LRRK1: variants seen among roughly 807,000 people sequenced by gnomAD.
The protein encoded by LRRK1 is leucine-rich repeat serine/threonine-protein kinase 1.
A neutral mutation model predicts 209.1 loss-of-function variants in LRRK1; 113 were observed. The observed-to-expected ratio is 0.54, with a 90% CI of 0.46 to 0.63. The LOEUF is 0.63. LRRK1 is among the 30% of genes least tolerant of loss of function. LRRK1 has a pLI of 0.00. For missense variants in LRRK1, 2,284 were observed against 2,632.2 expected (o/e 0.87, Z 2.89); for synonymous variants, 1,144 against 1,099.7 (o/e 1.04, Z -0.80).
At chr15:100,964,313 T>C (rs2030308682) in intron 2 of LRRK1, among the ~76,000 whole-genome samples, 1 of 152,278 alleles carries the variant, frequency 6.6e-6, no homozygotes, top group South Asian at 2.1e-4. Context: ...GATTTCACCG[T>C]AATATGACCC....
intron 2 of LRRK1, among the ~76,000 whole-genome samples, chr15:100,960,237 C>G (rs2042848571): frequency 6.8e-6 from 1 of 146,758 alleles, no homozygotes; most frequent in Non-Finnish European, 1.5e-5. Context: ...GTTCTTTGCT[C>G]TACTGAACAG....
intron 7 of LRRK1, among the ~76,000 whole-genome samples, chr15:101,010,078 T>C: frequency 6.6e-6 from 1 of 152,184 alleles, no homozygotes; most frequent in East Asian, 1.9e-4. Flanking sequence ...AAAAAGCAAG[T>C]GCCGTCCAAG....
rs1230948691 is a variant in LRRK1, at chr15:101,049,627, T to C, written c.3300-17T>C. 2 of 1,612,188 alleles carry C rather than the reference T, an allele frequency of 1.2e-6. No individual in the cohort carries two copies. The highest frequency in any genetic ancestry group is 3.3e-5 in the Admixed American group (2 of 59,772). ...GAGCCAGATCGCAATGGGCTCCTTT[T>C]GGTCTCTGGATTGCAGTGTGGAATC... On this transcript the variant is annotated splice_polypyrimidine_tract_variant and intron_variant, in intron 22 of 33. Coordinates refer to ENST00000388948, the MANE Select transcript of LRRK1 (RefSeq NM_024652.6).
At position 100,959,713 on chromosome 15, in the gene LRRK1, C is replaced by A. The variant is rs561023771; in HGVS notation, c.98-14091C>A. 3.3e-4 allele frequency among the ~76,000 whole-genome samples: 50 copies of A among 152,290 alleles called. No individual in the cohort carries two copies. In the South Asian group the frequency reaches 9.7e-3, roughly 30 times the overall value. On this transcript the variant is annotated intron_variant, in intron 2 of 33. Transcript: ENST00000388948. ...TATTTTTTTATTCATATGCATTGTG[C>A]AATATCTTTTATATGTGCCATTTTC...
intron 2 of LRRK1, among the ~76,000 whole-genome samples, chr15:100,955,850 G>T (rs2042743634): frequency 6.6e-6 from 1 of 151,992 alleles, no homozygotes; most frequent in Non-Finnish European, 1.5e-5. Flanking sequence ...ACTTCATAAT[G>T]GTGTATGATT....
chr15:100,989,668 C>A (rs771701243), intron 6 of LRRK1: 1 of 574,504 alleles, frequency 1.7e-6, no homozygotes, highest in Non-Finnish European at 3.1e-6. Flanking sequence ...TCCACAATAA[C>A]AACATCAATC....
chr15:100,940,386 A>T (rs28536480), intron 2 of LRRK1, among the ~76,000 whole-genome samples: 29,326 of 151,940 alleles, frequency 0.19, 3,037 homozygotes, highest in South Asian at 0.29. Context: ...TGTTTCTGAA[A>T]CTCTCATTAG....
intron 2 of LRRK1, among the ~76,000 whole-genome samples, chr15:100,958,867 G>A (rs578161163): frequency 2.6e-5 from 4 of 152,138 alleles, no homozygotes; most frequent in African/African-American, 7.2e-5. Flanking sequence ...TCTCTCCCGG[G>A]CTCTCTGTGC....
At chr15:100,920,063 T>A (rs2041994214) in intron 1 of LRRK1, 2 of 152,468 alleles carry the variant, frequency 1.3e-5, no homozygotes, top group Admixed American at 1.3e-4. Context: ...ACAACTGCTC[T>A]GTCTACCATG....
rs1596290857 is a variant in LRRK1, at chr15:101,025,088, C to T, written c.2232+121C>T. ...GGGGTTATGTTGCCACAGAGGGCCC[C>T]AGAACCGTGGTCCTGCTTGCTTTTC... On this transcript the variant is annotated intron_variant, in intron 16 of 33. Coordinates refer to ENST00000388948, the MANE Select transcript of LRRK1 (RefSeq NM_024652.6). 3 of 984,466 alleles carry T rather than the reference C, an allele frequency of 3.0e-6. No homozygotes were observed. The East Asian group carries it at 7.5e-5, about 25-fold the overall frequency. The allele number at this position is 984,466 out of a possible 1,614,324, so 61.0% of individuals were successfully genotyped here.
intron 12 of LRRK1, among the ~76,000 whole-genome samples, chr15:101,017,017 C>T (rs1416055900): frequency 6.6e-6 from 1 of 152,198 alleles, no homozygotes; most frequent in East Asian, 1.9e-4. Context: ...ATGGAGCTGT[C>T]CCTTTCATTA....
At chr15:101,020,784 C>T (rs940994333) in intron 12 of LRRK1, among the ~76,000 whole-genome samples, 2 of 152,194 alleles carry the variant, frequency 1.3e-5, no homozygotes, top group Non-Finnish European at 2.9e-5. Flanking sequence ...ACTCATTGAA[C>T]CAACCCCCTG....
In LRRK1 at chr15:101,068,871, C is replaced by T; in HGVS notation, c.*23C>T. On this transcript the variant is annotated 3_prime_UTR_variant, in exon 34 of 34. Coordinates refer to ENST00000388948, the MANE Select transcript of LRRK1 (RefSeq NM_024652.6). ...TAATTCCTGTGGAATGACTGTCACA[C>T]ATCAGAGCTGGCTGGCCCGGGGCTG... 6.4e-7 allele frequency: 1 copy of T among 1,567,146 alleles called. No individual in the cohort carries two copies. The highest frequency in any genetic ancestry group is 8.7e-7 in the Non-Finnish European group (1 of 1,154,114).
chr15:100,969,991 C>T (rs2030755852), intron 2 of LRRK1, among the ~76,000 whole-genome samples: 1 of 151,828 alleles, frequency 6.6e-6, no homozygotes, highest in Non-Finnish European at 1.5e-5. Context: ...CAGGTTCAAG[C>T]GATTCTCCTG....
chr15:100,941,422 G>A (rs1313118604), intron 2 of LRRK1, among the ~76,000 whole-genome samples: 38 of 102,300 alleles, frequency 3.7e-4, no homozygotes, highest in African/African-American at 1.8e-3. Flanking sequence ...CTGTGTGTGT[G>A]TGTGTCTGTG....
At chr15:100,993,306 G>C (rs2032245822) in intron 6 of LRRK1, among the ~76,000 whole-genome samples, 1 of 152,080 alleles carries the variant, frequency 6.6e-6, no homozygotes, top group African/African-American at 2.4e-5. Context: ...GTTTGTGCTA[G>C]CTTTCTTTAT....
At position 101,069,794 on chromosome 15, in the gene LRRK1, T is replaced by G. The variant is rs2036719865; in HGVS notation, c.*946T>G. On this transcript the variant is annotated 3_prime_UTR_variant, in exon 34 of 34. Coordinates refer to ENST00000388948, the MANE Select transcript of LRRK1 (RefSeq NM_024652.6). ...ATTTGCTAAACATTCACTGCACACG[T>G]GTACAGCGGAGTACGAAAAGGAACG... 1 of 152,662 alleles carries G rather than the reference T, an allele frequency of 6.6e-6. No homozygotes were observed. The highest frequency in any genetic ancestry group is 2.4e-5 in the African/African-American group (1 of 41,466). 9.5% of individuals were successfully genotyped at this position (152,662 alleles called of 1,614,324 possible). A position where few individuals can be genotyped will look rare whatever the true frequency, so the allele number is the denominator to read the frequency against.
At chr15:100,960,249 G>A (rs2042848859) in intron 2 of LRRK1, among the ~76,000 whole-genome samples, 1 of 146,328 alleles carries the variant, frequency 6.8e-6, no homozygotes, top group Admixed American at 6.8e-5. Context: ...ACTGAACAGT[G>A]CTGCAATCAG....
chr15:101,076,314 C>G lies in LRRK1; in HGVS notation c.*7466C>G, dbSNP rs1488861448. ...TCCTCATACCTGACATATATACTTT[C>G]TGCTCCCCGGCTCCTTCAGCTGTAC... is the stretch of plus-strand genomic sequence containing the variant. On this transcript the variant is annotated 3_prime_UTR_variant, in exon 34 of 34. Transcript: ENST00000388948. The G allele has an allele frequency of 6.6e-6, 1 of 152,206 alleles. No homozygotes were observed. Among genetic ancestry groups the G allele is most frequent in the Non-Finnish European group, 1.5e-5 (1 of 68,040 alleles). The allele number at this position is 152,206 out of a possible 1,614,324, so 9.4% of individuals were successfully genotyped here.
Sources: allele counts gnomAD v4.1 joint callset (sites outside exome capture counted in the v4.1 genomes callset), GRCh38; gene constraint gnomAD v4.1.1; transcripts MANE v1.5; gene names NCBI Gene and HGNC (gene_info 2026-07-23, HGNC 2026-07-21).